The following UIMC1 variants were observed in gnomAD, a reference collection of about 807,000 sequenced individuals.
The protein encoded by UIMC1 is ubiquitin interaction motif containing 1.
UIMC1 carries 42 observed loss-of-function variants against 84.9 expected under a neutral mutation model. The ratio of observed to expected loss-of-function variants is 0.49; its 90% CI spans 0.39 to 0.64. The LOEUF is 0.64. Ranked by LOEUF, UIMC1 falls within the 30% of genes least tolerant of loss-of-function variation. UIMC1 has a pLI of 0.00. For missense variants in UIMC1, 825 were observed against 847.6 expected (o/e 0.97, Z 0.33); for synonymous variants, 281 against 293.0 (o/e 0.96, Z 0.42).
At position 176,951,586 on chromosome 5, in the gene UIMC1, T is replaced by C. The variant is rs1765887522; in HGVS notation, c.1340-9A>G. 1 of 1,542,700 alleles carries C rather than the reference T, an allele frequency of 6.5e-7. No homozygotes were observed. Among genetic ancestry groups the C allele is most frequent in the Non-Finnish European group, 8.7e-7 (1 of 1,148,924 alleles). On this transcript the variant is annotated splice_polypyrimidine_tract_variant and intron_variant, in intron 8 of 14. Coordinates refer to ENST00000511320, the MANE Select transcript of UIMC1 (RefSeq NM_001199298.2). ...GGAACTTAGCTGGGTCTCTGTAATTTAAAAAAGTTAAAATCCCATTAATTT... is the reference window on the plus strand; with the variant it reads ...GGAACTTAGCTGGGTCTCTGTAATTCAAAAAAGTTAAAATCCCATTAATTT...
At chr5:176,972,243 A>G (rs1385070329) in intron 3 of UIMC1, among the ~76,000 whole-genome samples, 1 of 151,162 alleles carries the variant, frequency 6.6e-6, no homozygotes, top group Non-Finnish European at 1.5e-5. Flanking sequence ...TACTAAAAAA[A>G]TACAAAAAAT....
At position 176,969,306 on chromosome 5, in the gene UIMC1, G is replaced by A. The variant is rs1410297899; in HGVS notation, c.464-15C>T. The A allele has an allele frequency of 1.9e-6, 3 of 1,586,512 alleles. No homozygotes were observed. The highest frequency in any genetic ancestry group is 2.3e-5 in the South Asian group (2 of 86,634). On this transcript the variant is annotated splice_polypyrimidine_tract_variant and intron_variant, in intron 5 of 14. Transcript: ENST00000511320. ...CTGCCATATGCCTGTAGGTATTTGA[G>A]AAAAAGTAGGGCTAAGGACAAACTT...
At chr5:176,906,993 T>C (rs1326083244) in intron 13 of UIMC1, 121 bp downstream of exon 13, 1 of 960,524 alleles carries the variant, frequency 1.0e-6, no homozygotes, top group East Asian at 2.6e-5. Context: ...TCTCAAAGGC[T>C]GGCTGACTGG....
At chr5:176,925,079 C>T (rs992141302) in intron 10 of UIMC1, among the ~76,000 whole-genome samples, 11 of 150,830 alleles carry the variant, frequency 7.3e-5, no homozygotes, top group East Asian at 3.9e-4. Flanking sequence ...GGCAAGTACA[C>T]GCTAGAAAAT....
chr5:176,977,454 A>G lies in UIMC1; in HGVS notation c.148-1974T>C, dbSNP rs189102953. 1.8e-3 allele frequency among the ~76,000 whole-genome samples: 281 copies of G among 152,006 alleles called. 2 individuals are homozygous for G. Among genetic ancestry groups the G allele is most frequent in the Non-Finnish European group, 1.9e-3 (131 of 67,994 alleles). On this transcript the variant is annotated intron_variant, in intron 2 of 14. Transcript: ENST00000511320. Reference sequence around the variant, plus strand: ...ACAGAATATTCTGGGCCATAAAACAAGTCTCACTAAGTTTAAAAATGATTC... The same window carrying G: ...ACAGAATATTCTGGGCCATAAAACAGGTCTCACTAAGTTTAAAAATGATTC...
At chr5:176,975,629 G>A in intron 2 of UIMC1, 149 bp from the exon 3 acceptor site, 1 of 692,636 alleles carries the variant, frequency 1.4e-6, no homozygotes. Flanking sequence ...ATCCTTTTCA[G>A]TACAAAAGGG....
intron 8 of UIMC1, among the ~76,000 whole-genome samples, chr5:176,953,590 G>C (rs543071006): frequency 6.6e-6 from 1 of 150,528 alleles, no homozygotes; most frequent in East Asian, 1.9e-4. Context: ...TTTCCCTAAA[G>C]GTATTTTCAA....
At chr5:176,982,079 TATTTTTA>T (rs1403662372) in intron 2 of UIMC1, among the ~76,000 whole-genome samples, 1 of 152,228 alleles carries the variant, frequency 6.6e-6, no homozygotes, top group Non-Finnish European at 1.5e-5. Context: ...TAATTTTAGT[TATTTTTA>T]AACAGCTACA....
chr5:176,982,678 A>C (rs1227385388), intron 1 of UIMC1, 55 bp from the exon 2 acceptor site: 57 of 1,533,344 alleles, frequency 3.7e-5, no homozygotes, highest in Admixed American at 6.7e-5. Flanking sequence ...AATTTACTTA[A>C]AGTATAAGTT....
chr5:176,932,252 C>T (rs1462445103), intron 10 of UIMC1, among the ~76,000 whole-genome samples: 3 of 152,158 alleles, frequency 2.0e-5, no homozygotes, highest in Non-Finnish European at 4.4e-5. Context: ...AGACCTAGTG[C>T]CCAGAATCTG....
chr5:176,975,446 T>C lies in UIMC1; in HGVS notation c.182A>G (p.Lys61Arg). Residue 61 changes from lysine to arginine, a missense_variant, in exon 3 of 15, where the codon AAG (lysine) becomes AGG (arginine). Lys to Arg is a conservative substitution (Grantham distance 26, BLOSUM62 2). Coordinates refer to ENST00000511320, the MANE Select transcript of UIMC1 (RefSeq NM_001199298.2). Reference protein sequence around the residue: ...PKEENGLQKTKTKQSNRAKCL... With the variant: ...PKEENGLQKTRTKQSNRAKCL... ...CTTTGCTCTATTCGACTGTTTTGTCTTCGTTTTCTGCAACCCATTTTCCTC... is the reference window on the plus strand; with the variant it reads ...CTTTGCTCTATTCGACTGTTTTGTCCTCGTTTTCTGCAACCCATTTTCCTC... 1.2e-6 allele frequency: 2 copies of C among 1,614,080 alleles called. No homozygotes were observed. The highest frequency in any genetic ancestry group is 2.2e-5 in the East Asian group (1 of 44,860).
At chr5:176,937,400 C>T (rs894324530) in intron 10 of UIMC1, among the ~76,000 whole-genome samples, 4 of 152,136 alleles carry the variant, frequency 2.6e-5, no homozygotes, top group Non-Finnish European at 5.9e-5. Flanking sequence ...GAGACTGAGA[C>T]AGGAGAATGG....
rs149819634 is a variant in UIMC1 at position 176,968,634 on chromosome 5, T to C, written c.1121A>G (p.Lys374Arg). 1.2e-5 allele frequency: 20 copies of C among 1,613,968 alleles called. No homozygotes were observed. The highest frequency in any genetic ancestry group is 1.5e-5 in the Non-Finnish European group (18 of 1,180,004). Residue 374 changes from lysine (K) to arginine (R), a missense_variant, in exon 6 of 15, where the codon AAG (lysine) becomes AGG (arginine). Coordinates refer to ENST00000511320, the MANE Select transcript of UIMC1 (RefSeq NM_001199298.2). ...TTTAATTGAGCTTTCCTGGAAATCCTTGGTTTTTGAGTGCCAGTCAGATGC... is the reference window on the plus strand; with the variant it reads ...TTTAATTGAGCTTTCCTGGAAATCCCTGGTTTTTGAGTGCCAGTCAGATGC... ...SRASDWHSKT[K>R]DFQESSIKSL... is the part of the protein sequence containing the mutation.
At chr5:176,907,796 C>T (rs540028522) in intron 12 of UIMC1, among the ~76,000 whole-genome samples, 6 of 152,262 alleles carry the variant, frequency 3.9e-5, no homozygotes, top group Non-Finnish European at 8.8e-5. Flanking sequence ...ATATCCTTTC[C>T]GGAAAGCAAT....
At chr5:176,976,070 G>A (rs1190489009) in intron 2 of UIMC1, among the ~76,000 whole-genome samples, 1 of 152,128 alleles carries the variant, frequency 6.6e-6, no homozygotes, top group Non-Finnish European at 1.5e-5. Flanking sequence ...AGGCTGAAGT[G>A]GGAGAATCGC....
intron 1 of UIMC1, among the ~76,000 whole-genome samples, 168 bp from the exon 2 acceptor site, chr5:176,982,791 C>T (rs1360545715): frequency 1.3e-5 from 2 of 152,186 alleles, no homozygotes; most frequent in Non-Finnish European, 2.9e-5. Flanking sequence ...CCGCTGCCTC[C>T]CAGGTTCAAG....
chr5:176,941,358 T>C (rs1764399166), intron 10 of UIMC1, among the ~76,000 whole-genome samples: 1 of 152,118 alleles, frequency 6.6e-6, no homozygotes. Flanking sequence ...TAGAGAGAGC[T>C]ATATATAGCA....
intron 6 of UIMC1, among the ~76,000 whole-genome samples, chr5:176,959,732 A>T (rs1374300346): frequency 7.0e-6 from 1 of 142,858 alleles, no homozygotes; most frequent in Non-Finnish European, 1.5e-5. Context: ...AAAAAAAAAA[A>T]AAAAATTATT....
chr5:176,941,824 G>T (rs1185507888), intron 10 of UIMC1, among the ~76,000 whole-genome samples: 1 of 151,788 alleles, frequency 6.6e-6, no homozygotes, highest in East Asian at 1.9e-4. Context: ...TATGCTGTCT[G>T]AAAAGTAGGG....
Sources: gnomAD v4.1 joint callset for allele counts (sites outside exome capture counted in the v4.1 genomes callset) on GRCh38, gnomAD v4.1.1 for gene constraint, MANE v1.5 for transcripts, NCBI Gene and HGNC (gene_info 2026-07-23, HGNC 2026-07-21) for gene names.